SMIM35: variants seen among roughly 807,000 people sequenced by gnomAD.
The protein encoded by SMIM35 is TMPRSS4 antisense RNA 1 (non-protein coding).
chr11:118,082,742 C>G (rs1215771172), intron 1 of SMIM35, among the ~76,000 whole-genome samples: 2 of 152,074 alleles, frequency 1.3e-5, no homozygotes, highest in African/African-American at 2.4e-5. Flanking sequence ...TACCAGGAGA[C>G]CATTAACGAT....
chr11:118,065,368 A>G (rs1430174446), intron 1 of SMIM35, among the ~76,000 whole-genome samples: 1 of 152,236 alleles, frequency 6.6e-6, no homozygotes, highest in Non-Finnish European at 1.5e-5. Flanking sequence ...AAAGTGAAAT[A>G]TAGAGAGTGA....
Position 118,013,877 on chromosome 11 carries a change from G to T in SMIM35, c.162C>A (p.Asn54Lys), listed in dbSNP as rs914592893. Residue 54 changes from asparagine (N) to lysine (K), a missense_variant, in exon 4 of 5, where the codon AAC becomes AAA. Asn to Lys is a moderately conservative substitution (Grantham distance 94). Transcript: ENST00000689828. ...NFVFNLYQIRNLKDLEMGPPF... is the reference protein window; with the variant it reads ...NFVFNLYQIRKLKDLEMGPPF... ...GTGGACCCATCTCCAGATCCTTCAG[G>T]TTCCTGAAAAAGATGATCCAATCAG... 2.0e-5 allele frequency: 8 copies of T among 398,882 alleles called. No homozygotes were observed. The highest frequency in any genetic ancestry group is 4.1e-5 in the African/African-American group (2 of 48,592). 24.7% of individuals were successfully genotyped at this position (398,882 alleles called of 1,614,324 possible).
At chr11:118,086,196 C>T (rs1157868483) in intron 1 of SMIM35, among the ~76,000 whole-genome samples, 3 of 152,216 alleles carry the variant, frequency 2.0e-5, no homozygotes, top group Non-Finnish European at 4.4e-5. Flanking sequence ...CCTCCCCAGC[C>T]CTATCTGAAC....
intron 1 of SMIM35, among the ~76,000 whole-genome samples, chr11:118,040,012 T>G (rs1943973891): frequency 7.0e-6 from 1 of 142,466 alleles, no homozygotes. Context: ...ACCACTGTAC[T>G]CTAGCCTGGG....
intron 1 of SMIM35, among the ~76,000 whole-genome samples, chr11:118,053,752 A>G (rs1393496020): frequency 1.3e-5 from 2 of 152,180 alleles, no homozygotes; most frequent in African/African-American, 2.4e-5. Context: ...GGAAGCTTTG[A>G]GAACTCATCT....
At chr11:118,016,041 C>T (rs1054272030) in intron 1 of SMIM35, among the ~76,000 whole-genome samples, 2 of 152,178 alleles carry the variant, frequency 1.3e-5, no homozygotes, top group African/African-American at 4.8e-5. Flanking sequence ...AGGAATAGTC[C>T]TCTGATAGTA....
chr11:118,067,058 G>T (rs1447598393), intron 1 of SMIM35, among the ~76,000 whole-genome samples: 1 of 151,900 alleles, frequency 6.6e-6, no homozygotes, highest in African/African-American at 2.4e-5. Flanking sequence ...ATTGTGTGAG[G>T]ATTAATTTAG....
intron 3 of SMIM35, among the ~76,000 whole-genome samples, chr11:118,014,334 G>A (rs2135019431): frequency 6.6e-6 from 1 of 152,236 alleles, no homozygotes; most frequent in South Asian, 2.1e-4. Context: ...GGGAAGGGAA[G>A]GAAAGGAAAG....
At chr11:118,052,206 T>C (rs1183912031) in intron 1 of SMIM35, among the ~76,000 whole-genome samples, 15 of 152,160 alleles carry the variant, frequency 9.9e-5, no homozygotes, top group Admixed American at 9.2e-4. Flanking sequence ...CCAACAGCTG[T>C]GCAGCTCTGC....
At chr11:118,073,631 A>AG (rs1424314823) in intron 1 of SMIM35, among the ~76,000 whole-genome samples, 1 of 152,246 alleles carries the variant, frequency 6.6e-6, no homozygotes, top group Non-Finnish European at 1.5e-5. Flanking sequence ...TTGCAGGGAC[A>AG]GGAGGCAGCC....
intron 1 of SMIM35, among the ~76,000 whole-genome samples, chr11:118,032,750 A>T (rs1591287384): frequency 6.6e-6 from 1 of 152,148 alleles, no homozygotes; most frequent in Non-Finnish European, 1.5e-5. Context: ...CTACCAAAAA[A>T]TACAAAAATT....
chr11:118,035,578 A>C (rs1209500166), intron 1 of SMIM35, among the ~76,000 whole-genome samples: 1 of 152,160 alleles, frequency 6.6e-6, no homozygotes, highest in African/African-American at 2.4e-5. Context: ...TGGGTGGGGC[A>C]TGCCTGCCCC....
chr11:118,009,845 G>A (rs1253355319), intron 4 of SMIM35, among the ~76,000 whole-genome samples: 1 of 152,168 alleles, frequency 6.6e-6, no homozygotes, highest in Non-Finnish European at 1.5e-5. Context: ...TGTCCAAAGA[G>A]GTGGAGTAAG....
chr11:118,061,291 G>A (rs1944391843), intron 1 of SMIM35, among the ~76,000 whole-genome samples: 1 of 152,214 alleles, frequency 6.6e-6, no homozygotes, highest in African/African-American at 2.4e-5. Context: ...TTCTGAGAGT[G>A]TTTCCCTGTA....
At chr11:118,007,960 C>T (rs2058130345) in intron 4 of SMIM35, among the ~76,000 whole-genome samples, 1 of 152,100 alleles carries the variant, frequency 6.6e-6, no homozygotes, top group Non-Finnish European at 1.5e-5. Flanking sequence ...ACATCTGCCT[C>T]CCAGATTCAA....
chr11:118,028,273 C>T (rs1010441161), intron 1 of SMIM35, among the ~76,000 whole-genome samples: 20 of 152,202 alleles, frequency 1.3e-4, no homozygotes, highest in African/African-American at 9.7e-5. Context: ...TGGACCAAAG[C>T]GTGGTGAGAC....
chr11:118,021,955 G>T (rs60590812), intron 1 of SMIM35, among the ~76,000 whole-genome samples: 1 of 151,872 alleles, frequency 6.6e-6, no homozygotes, highest in African/African-American at 2.4e-5. Context: ...CCAACATCTG[G>T]GGAATACACA....
chr11:118,052,159 TA>T (rs1488336344), intron 1 of SMIM35, among the ~76,000 whole-genome samples: 1 of 152,114 alleles, frequency 6.6e-6, no homozygotes, highest in Non-Finnish European at 1.5e-5. Flanking sequence ...GCTCTTTGCA[TA>T]AACACCATAG....
At chr11:118,072,685 G>A (rs1264303663) in intron 1 of SMIM35, among the ~76,000 whole-genome samples, 1 of 152,182 alleles carries the variant, frequency 6.6e-6, no homozygotes, top group Non-Finnish European at 1.5e-5. Flanking sequence ...ATCTCTACTA[G>A]AACATCTTTT....
Sources: gnomAD v4.1 joint callset for allele counts (sites outside exome capture counted in the v4.1 genomes callset) on GRCh38, gnomAD v4.1.1 for gene constraint, MANE v1.5 for transcripts, NCBI Gene and HGNC (gene_info 2026-07-23, HGNC 2026-07-21) for gene names.